ZSCAN30: variants seen among roughly 807,000 people sequenced by gnomAD.
ZSCAN30 encodes the protein zinc finger and SCAN domain containing 30.
ZSCAN30 carries 37 observed loss-of-function variants against 44.3 expected under a neutral mutation model. The ratio of observed to expected loss-of-function variants is 0.84; its 90% CI spans 0.64 to 1.10. ZSCAN30 has a LOEUF of 1.10. Ranked by LOEUF, ZSCAN30 falls within the 50% of genes least tolerant of loss-of-function variation. The probability of loss-of-function intolerance (pLI) is 0.00; values close to 1 mark genes in which losing one functional copy is unlikely to be tolerated. For synonymous variants in ZSCAN30, 181 were observed against 204.6 expected, an observed-to-expected ratio of 0.88 and a Z score of 0.98; for missense variants, 549 against 582.6, an observed-to-expected ratio of 0.94 and a Z score of 0.59.
chr18:35,287,465 TAGAG>T lies in ZSCAN30; in HGVS notation c.-104+2615_-104+2618del, dbSNP rs146437189. 9.7e-3 allele frequency among the ~76,000 whole-genome samples: 1,401 copies of T among 144,614 alleles called. 24 individuals carry two copies. The highest frequency in any genetic ancestry group is 0.034 in the African/African-American group (1,307 of 38,910). The allele number at this position is 144,614 out of a possible 152,430, so 94.9% of individuals were successfully genotyped here. A position where few individuals can be genotyped will look rare whatever the true frequency, so the allele number is the denominator to read the frequency against. The stretch of plus-strand genomic sequence containing the variant: ...AGAGACAAGTAGATCAATGAAAAAA[TAGAG>T]AGGCCAGAAATAGACCCACACATAT... On this transcript the variant is annotated intron_variant, in intron 1 of 3. Coordinates refer to ENST00000333206, the MANE Select transcript of ZSCAN30 (RefSeq NM_001112734.4).
At chr18:35,278,238 G>A (rs1252625985) in intron 1 of ZSCAN30, among the ~76,000 whole-genome samples, 1 of 152,136 alleles carries the variant, frequency 6.6e-6, no homozygotes, top group East Asian at 1.9e-4. Context: ...TAGACTCTAA[G>A]AGGCTTCACT....
chr18:35,262,989 G>T, intron 3 of ZSCAN30: 1 of 175,394 alleles, frequency 5.7e-6, no homozygotes, highest in South Asian at 9.4e-5. Context: ...ATGATTATGT[G>T]GTTTCTATTA....
intron 3 of ZSCAN30, chr18:35,256,901 G>A (rs551412223): frequency 2.6e-5 from 4 of 152,414 alleles, no homozygotes; most frequent in Non-Finnish European, 5.9e-5. Flanking sequence ...AGTCTCCCCA[G>A]TAACTAAGAG....
chr18:35,263,379 A>G (rs1011890188), intron 3 of ZSCAN30, 134 bp downstream of exon 3: 2 of 1,110,390 alleles, frequency 1.8e-6, no homozygotes, highest in African/African-American at 1.6e-5. Context: ...CTAAGGAAGA[A>G]TATTTCTAGG....
chr18:35,271,863 G>T (rs959215364), intron 1 of ZSCAN30, among the ~76,000 whole-genome samples: 2 of 152,294 alleles, frequency 1.3e-5, no homozygotes, highest in African/African-American at 4.8e-5. Context: ...GTGGGACCCC[G>T]CGCCCCCTCC....
At chr18:35,282,595 G>A (rs1418976810) in intron 1 of ZSCAN30, 1 of 152,204 alleles carries the variant, frequency 6.6e-6, no homozygotes, top group East Asian at 1.9e-4. Flanking sequence ...GTTCACATAT[G>A]TTGTTGCTGA....
In ZSCAN30 at chr18:35,253,598, C is replaced by T. The variant is rs2043672157; in HGVS notation, c.1337G>A (p.Cys446Tyr). ...TGAGCTCTGATTGAAGGATTTTCCA[C>T]ATTCATTACATTCATAAGGTTTCTC... The part of the protein sequence containing the change: ...TGEKPYECNE[C>Y]GKSFNQSSAL... Residue 446 changes from cysteine to tyrosine, a missense_variant, in exon 4 of 4, where the codon TGT becomes TAT. Cys to Tyr is a radical substitution (Grantham distance 194, BLOSUM62 -2). Transcript: ENST00000333206. 2 of 1,614,102 alleles carry T rather than the reference C, an allele frequency of 1.2e-6. No homozygotes were observed. The highest frequency in any genetic ancestry group is 1.1e-5 in the South Asian group (1 of 91,086).
chr18:35,286,711 C>G (rs1283212576), intron 1 of ZSCAN30, among the ~76,000 whole-genome samples: 4 of 152,076 alleles, frequency 2.6e-5, no homozygotes, highest in Non-Finnish European at 4.4e-5. Context: ...AGACAAAGAT[C>G]TTCACTTAAG....
chr18:35,252,566 C>T lies in ZSCAN30; in HGVS notation c.*884G>A, dbSNP rs867557448. 4.6e-5 allele frequency: 7 copies of T among 152,292 alleles called. No homozygotes were observed. The highest frequency in any genetic ancestry group is 1.7e-4 in the African/African-American group (7 of 41,550). 9.4% of individuals were successfully genotyped at this position (152,292 alleles called of 1,614,324 possible). Reference sequence around the variant, plus strand: ...GTAGAGAAGAGTCTTCATGGAGTGTCTCCAGATCCTGTTCTCTTCTCCCCT... The same window carrying T: ...GTAGAGAAGAGTCTTCATGGAGTGTTTCCAGATCCTGTTCTCTTCTCCCCT... On this transcript the variant is annotated 3_prime_UTR_variant, in exon 4 of 4. Coordinates refer to ENST00000333206, the MANE Select transcript of ZSCAN30 (RefSeq NM_001112734.4).
At chr18:35,284,202 T>C (rs1455467521) in intron 1 of ZSCAN30, 3 of 152,778 alleles carry the variant, frequency 2.0e-5, no homozygotes, top group Non-Finnish European at 2.9e-5. Context: ...TCTGGCTGAG[T>C]CCAGGGAATT....
chr18:35,263,919 A>C, intron 2 of ZSCAN30, 26 bp downstream of exon 2: 1 of 1,602,412 alleles, frequency 6.2e-7, no homozygotes, highest in Non-Finnish European at 8.5e-7. Flanking sequence ...CAATAGATCA[A>C]ACAAACAAAA....
chr18:35,278,926 G>T (rs2044409913), intron 1 of ZSCAN30, among the ~76,000 whole-genome samples: 1 of 152,154 alleles, frequency 6.6e-6, no homozygotes, highest in Non-Finnish European at 1.5e-5. Flanking sequence ...TATCTTTAAT[G>T]TTCATTATTT....
At position 35,253,980 on chromosome 18, in the gene ZSCAN30, G is replaced by A. The variant is rs1006200175; in HGVS notation, c.955C>T (p.His319Tyr). 2.5e-6 allele frequency: 4 copies of A among 1,614,194 alleles called. No homozygotes were observed. The highest frequency in any genetic ancestry group is 1.6e-4 in the Middle Eastern group (1 of 6,062). Residue 319 changes from histidine to tyrosine, a missense_variant, in exon 4 of 4, where the codon CAT (histidine) becomes TAT (tyrosine). Physicochemically the swap from His to Tyr is moderately conservative, Grantham distance 83 (BLOSUM62 2). Transcript: ENST00000333206. Reference protein sequence around the residue: ...AFCQSSKLIRHQRIHTGERPY... With the variant: ...AFCQSSKLIRYQRIHTGERPY... The stretch of plus-strand genomic sequence containing the variant: ...CTCTCTCCAGTATGAATTCTCTGAT[G>A]TCTAATCAGCTTTGAGCTCTGGCAA...
intron 1 of ZSCAN30, among the ~76,000 whole-genome samples, chr18:35,264,743 T>C (rs972174437): frequency 1.3e-5 from 2 of 152,194 alleles, no homozygotes. Flanking sequence ...AAAAGCACTA[T>C]AGTATATGAT....
At position 35,252,012 on chromosome 18, in the gene ZSCAN30, C is replaced by G. The variant is rs144273720; in HGVS notation, c.*1438G>C. 9.9e-5 allele frequency: 15 copies of G among 152,278 alleles called. No homozygotes were observed. The highest frequency in any genetic ancestry group is 3.6e-4 in the African/African-American group (15 of 41,542). The allele number at this position is 152,278 out of a possible 1,614,324, so 9.4% of individuals were successfully genotyped here. ...AAATAAAAATTAGCAGAGAGAGTTA[C>G]AGGCAGAGGTTATAGCCCATACAAT... On this transcript the variant is annotated 3_prime_UTR_variant, in exon 4 of 4. Coordinates refer to ENST00000333206, the MANE Select transcript of ZSCAN30 (RefSeq NM_001112734.4).
At position 35,264,093 on chromosome 18, in the gene ZSCAN30, A is replaced by G. The variant is rs2044094934; in HGVS notation, c.260T>C (p.Ile87Thr). The change falls in exon 2 of 4, where the codon ATC becomes ACC. Residue 87 changes from isoleucine to threonine, a missense_variant. Ile to Thr is a moderately conservative substitution (Grantham distance 89, BLOSUM62 -1). Transcript: ENST00000333206. ...LRPEVHSKEQ[I>T]LELLMLEQFL... is the part of the protein sequence containing the mutation. ...CTGCTCCAACATCAGCAGCTCCAGG[A>G]TCTGCTCCTTGGAGTGCACCTCCGG... 6.2e-7 allele frequency: 1 copy of G among 1,614,130 alleles called. No homozygotes were observed. Among genetic ancestry groups the G allele is most frequent in the Non-Finnish European group, 8.5e-7 (1 of 1,179,988 alleles).
chr18:35,288,137 G>C (rs1206715409), intron 1 of ZSCAN30, among the ~76,000 whole-genome samples: 1 of 152,156 alleles, frequency 6.6e-6, no homozygotes, highest in Non-Finnish European at 1.5e-5. Flanking sequence ...CCTACAAAAA[G>C]TGCAGGAATT....
At chr18:35,277,798 C>G (rs1408980052) in intron 1 of ZSCAN30, among the ~76,000 whole-genome samples, 2 of 152,150 alleles carry the variant, frequency 1.3e-5, no homozygotes, top group Admixed American at 6.6e-5. Context: ...ACAAAAGCAC[C>G]TGATGATGCA....
Position 35,253,601 on chromosome 18 carries a change from T to C in ZSCAN30, c.1334A>G (p.Glu445Gly), listed in dbSNP as rs1249111127. The C allele has an allele frequency of 6.2e-7, 1 of 1,614,112 alleles. No homozygotes were observed. The highest frequency in any genetic ancestry group is 1.7e-5 in the Admixed American group (1 of 60,004). ...HTGEKPYECN[E>G]CGKSFNQSSA... Reference sequence around the variant, plus strand: ...GCTCTGATTGAAGGATTTTCCACATTCATTACATTCATAAGGTTTCTCTCC... The same window carrying C: ...GCTCTGATTGAAGGATTTTCCACATCCATTACATTCATAAGGTTTCTCTCC... Residue 445 changes from glutamate (E) to glycine (G), a missense_variant, in exon 4 of 4, where the codon GAA becomes GGA. Glu to Gly is a moderately conservative substitution (Grantham distance 98). Coordinates refer to ENST00000333206, the MANE Select transcript of ZSCAN30 (RefSeq NM_001112734.4).
Sources: gnomAD v4.1 joint callset for allele counts (sites outside exome capture counted in the v4.1 genomes callset) on GRCh38, gnomAD v4.1.1 for gene constraint, MANE v1.5 for transcripts, NCBI Gene and HGNC (gene_info 2026-07-23, HGNC 2026-07-21) for gene names.